Variants in NEK4 observed in about 807,000 individuals in gnomAD.
NEK4 encodes serine/threonine-protein kinase Nek4.
A neutral mutation model predicts 98.4 loss-of-function variants in NEK4; 86 were observed. The ratio of observed to expected loss-of-function variants is 0.87; its 90% CI spans 0.73 to 1.05. NEK4 has a LOEUF of 1.05. Ranked by LOEUF, NEK4 falls within the 50% of genes least tolerant of loss-of-function variation. NEK4 has a pLI of 0.00. For synonymous variants in NEK4, 328 were observed against 342.2 expected (o/e 0.96, Z 0.46); for missense variants, 898 against 950.3 (o/e 0.94, Z 0.72).
Position 52,709,700 on chromosome 3 carries a change from C to CAAAAAAAAAA in NEK4, c.*2067_*2076dup, listed in dbSNP as rs374943793. ...TGGGTGACAGAGCAAGACCCTGTCT[C>CAAAAAAAAAA]AAAAAAAAAAAAAAAAAAAAAAGAT... On this transcript the variant is annotated 3_prime_UTR_variant, in exon 16 of 16. Coordinates refer to ENST00000233027, the MANE Select transcript of NEK4 (RefSeq NM_003157.6). The CAAAAAAAAAA allele has an allele frequency of 3.1e-5, 2 of 65,372 alleles. No individual in the cohort carries two copies. The highest frequency in any genetic ancestry group is 2.1e-4 in the Admixed American group (1 of 4,864). 4.0% of individuals were successfully genotyped at this position (65,372 alleles called of 1,614,324 possible).
chr3:52,728,647 G>A (rs960384335), intron 15 of NEK4, among the ~76,000 whole-genome samples: 6 of 152,140 alleles, frequency 3.9e-5, no homozygotes, highest in Non-Finnish European at 8.8e-5. Flanking sequence ...AGGGAACAAG[G>A]GAAGACAACC....
chr3:52,712,061 C>G (rs1030844758), intron 15 of NEK4, among the ~76,000 whole-genome samples, 192 bp from the exon 16 acceptor site: 1 of 152,066 alleles, frequency 6.6e-6, no homozygotes, highest in Non-Finnish European at 1.5e-5. Context: ...AAAGAGCAAA[C>G]AAACAATAAA....
chr3:52,767,536 AC>A (rs1235000563), intron 2 of NEK4, among the ~76,000 whole-genome samples: 12 of 149,316 alleles, frequency 8.0e-5, no homozygotes, highest in African/African-American at 2.9e-4. Context: ...ACATGGTAAA[AC>A]CCCATCTCTA....
At chr3:52,741,365 A>G in intron 13 of NEK4, 46 bp downstream of exon 13, 1 of 1,124,836 alleles carries the variant, frequency 8.9e-7, no homozygotes, top group Non-Finnish European at 1.4e-6. Flanking sequence ...AATATTCATT[A>G]AAACAGAAAT....
rs149868236 is a variant in NEK4, at chr3:52,765,858, T to C, written c.666+29A>G. 979 of 1,339,970 alleles carry C rather than the reference T, an allele frequency of 7.3e-4. 4 individuals are homozygous for C. Among genetic ancestry groups the C allele is most frequent in the African/African-American group, 6.9e-3 (481 of 69,494 alleles). 83.0% of individuals were successfully genotyped at this position (1,339,970 alleles called of 1,614,324 possible). A position where few individuals can be genotyped will look rare whatever the true frequency, so the allele number is the denominator to read the frequency against. On this transcript the variant is annotated intron_variant, in intron 4 of 15. Coordinates refer to ENST00000233027, the MANE Select transcript of NEK4 (RefSeq NM_003157.6). ...TTATAAAGCTGCACTATAGAAATAC[T>C]GGTCAATTAGTTCTAGATTATTCTT...
chr3:52,734,466 A>AAAAAAAC (rs2097373105), intron 15 of NEK4, among the ~76,000 whole-genome samples: 1 of 150,602 alleles, frequency 6.6e-6, no homozygotes, highest in Non-Finnish European at 1.5e-5. Context: ...AAAAAAAAAA[A>AAAAAAAC]GATCGAGACC....
chr3:52,723,594 A>C (rs1283957602), intron 15 of NEK4, among the ~76,000 whole-genome samples: 1 of 152,220 alleles, frequency 6.6e-6, no homozygotes, highest in African/African-American at 2.4e-5. Context: ...ATGAAAAAGC[A>C]GATCTGAGCA....
At chr3:52,723,141 G>A (rs2097361568) in intron 15 of NEK4, among the ~76,000 whole-genome samples, 1 of 151,970 alleles carries the variant, frequency 6.6e-6, no homozygotes, top group Non-Finnish European at 1.5e-5. Flanking sequence ...GGAGTTTGAG[G>A]CTGCAGGGAG....
intron 6 of NEK4, among the ~76,000 whole-genome samples, chr3:52,755,073 CAAAAAAA>C (rs201856002): frequency 2.1e-5 from 1 of 47,024 alleles, no homozygotes; most frequent in South Asian, 6.3e-4. Context: ...GACTCCGTCT[CAAAAAAA>C]AAAAAAAGAA....
At chr3:52,738,501 A>G (rs1335678856) in intron 14 of NEK4, among the ~76,000 whole-genome samples, 2 of 149,956 alleles carry the variant, frequency 1.3e-5, no homozygotes, top group African/African-American at 4.9e-5. Context: ...CTCAGGCTGG[A>G]GTGCAGTGGC....
In NEK4 at chr3:52,753,788, ACG is replaced by A. The variant is rs776041300; in HGVS notation, c.964-1454_964-1453del. On this transcript the variant is annotated intron_variant, in intron 6 of 15. Coordinates refer to ENST00000233027, the MANE Select transcript of NEK4 (RefSeq NM_003157.6). ...TGAATTTACCTTGGTTGCGGAGCAG[ACG>A]TTATTAGGTGTCTATGTGCAGCCAT... The A allele has an allele frequency of 9.1e-4, 469 of 518,136 alleles. 1 individual carries two copies. Among genetic ancestry groups the A allele is most frequent in the Non-Finnish European group, 1.4e-3 (355 of 256,094 alleles). The allele number at this position is 518,136 out of a possible 1,614,324, so 32.1% of individuals were successfully genotyped here.
chr3:52,744,840 C>T (rs2097393224), intron 10 of NEK4, among the ~76,000 whole-genome samples: 1 of 152,014 alleles, frequency 6.6e-6, no homozygotes, highest in Non-Finnish European at 1.5e-5. Flanking sequence ...ACAATGATCA[C>T]AGCCCTCGTT....
Position 52,747,046 on chromosome 3 carries a change from A to G in NEK4, c.1507-142T>C, listed in dbSNP as rs2097397418. The G allele has an allele frequency of 1.4e-5, 9 of 632,152 alleles. No individual in the cohort carries two copies. The Admixed American group carries it at 2.6e-4, about 18-fold the overall frequency. 39.2% of individuals were successfully genotyped at this position (632,152 alleles called of 1,614,324 possible). A position where few individuals can be genotyped will look rare whatever the true frequency, so the allele number is the denominator to read the frequency against. ...TTTAAAAACTGGTTTCCATATTGCA[A>G]TTTAGTGTTACATGGAAGTTCTAAA... On this transcript the variant is annotated intron_variant, in intron 8 of 15. Coordinates refer to ENST00000233027, the MANE Select transcript of NEK4 (RefSeq NM_003157.6).
chr3:52,744,183 G>A (rs908117069), intron 11 of NEK4, 56 bp downstream of exon 11: 1 of 1,264,748 alleles, frequency 7.9e-7, no homozygotes, highest in African/African-American at 1.5e-5. Flanking sequence ...CAGTGTTTCT[G>A]TCCACGAACC....
intron 15 of NEK4, among the ~76,000 whole-genome samples, chr3:52,716,484 A>T (rs2097355263): frequency 6.6e-6 from 1 of 152,216 alleles, no homozygotes; most frequent in Non-Finnish European, 1.5e-5. Context: ...AAGTAACCTG[A>T]TGTTAACCAA....
In NEK4 at chr3:52,711,609, T is replaced by G; in HGVS notation, c.*168A>C. On this transcript the variant is annotated 3_prime_UTR_variant, in exon 16 of 16. Transcript: ENST00000233027. The stretch of plus-strand genomic sequence containing the variant: ...TTTTCTTTTGTGATCCTGCTTCATA[T>G]TATTCTGTTCTGTCCAATTTCTTTT... 1 of 498,958 alleles carries G rather than the reference T, an allele frequency of 2.0e-6. No homozygotes were observed. The highest frequency in any genetic ancestry group is 3.1e-5 in the East Asian group (1 of 32,704). The allele number at this position is 498,958 out of a possible 1,614,324, so 30.9% of individuals were successfully genotyped here. A position where few individuals can be genotyped will look rare whatever the true frequency, so the allele number is the denominator to read the frequency against.
chr3:52,764,778 GCA>G (rs56827006), intron 4 of NEK4, among the ~76,000 whole-genome samples: 65,095 of 144,926 alleles, frequency 0.45, 14,183 homozygotes, highest in South Asian at 0.63. Flanking sequence ...ACACACACAT[GCA>G]CACACACACA....
chr3:52,722,207 T>C (rs1207468244), intron 15 of NEK4, among the ~76,000 whole-genome samples: 2 of 152,198 alleles, frequency 1.3e-5, no homozygotes, highest in African/African-American at 4.8e-5. Context: ...CCCTCTCTGC[T>C]GATAGCTGTT....
chr3:52,736,435 CATT>C (rs926285919), intron 15 of NEK4, among the ~76,000 whole-genome samples: 3 of 151,930 alleles, frequency 2.0e-5, no homozygotes, highest in African/African-American at 7.2e-5. Flanking sequence ...AAATACAAAA[CATT>C]AGCCAAGCGT....
Sources: gnomAD v4.1 joint callset for allele counts (sites outside exome capture counted in the v4.1 genomes callset) on GRCh38, gnomAD v4.1.1 for gene constraint, MANE v1.5 for transcripts, NCBI Gene and HGNC (gene_info 2026-07-23, HGNC 2026-07-21) for gene names.